Variants in ZPLD1 observed in about 807,000 individuals in gnomAD.
ZPLD1 encodes the protein zona pellucida like domain containing 1.
A neutral mutation model predicts 47.2 loss-of-function variants in ZPLD1; 34 were observed. That is an observed-to-expected ratio of 0.72 (90% CI 0.55 to 0.96). ZPLD1 has a LOEUF of 0.96. Among genes scored for constraint, ZPLD1 ranks in the 40% least tolerant of loss-of-function variants. The pLI is 0.00. For synonymous variants in ZPLD1, 176 were observed against 186.2 expected, an observed-to-expected ratio of 0.95 and a Z score of 0.45; for missense variants, 512 against 505.8, an observed-to-expected ratio of 1.01 and a Z score of -0.12.
rs1707801366 is a variant in ZPLD1 at position 102,479,040 on chromosome 3, T to G, written c.*1422T>G. On this transcript the variant is annotated 3_prime_UTR_variant, in exon 12 of 12. Transcript: ENST00000466937. ...TTAATAATTAAATCAATCCTCAAGT[T>G]GAAAAACACTTTTTCTCCAATTTGC... 1 of 152,182 alleles carries G rather than the reference T, an allele frequency of 6.6e-6. No individual in the cohort carries two copies. The highest frequency in any genetic ancestry group is 2.4e-5 in the African/African-American group (1 of 41,438). The allele number at this position is 152,182 out of a possible 1,614,324, so 9.4% of individuals were successfully genotyped here.
intron 6 of ZPLD1, among the ~76,000 whole-genome samples, chr3:102,388,631 A>C (rs544273130): frequency 6.6e-6 from 1 of 152,286 alleles, no homozygotes; most frequent in South Asian, 2.1e-4. Flanking sequence ...TCCGTGGTGC[A>C]GTCTTGCCTC....
chr3:102,431,749 A>G (rs1266308665), upstream of ZPLD1, among the ~76,000 whole-genome samples: 1 of 152,156 alleles, frequency 6.6e-6, no homozygotes, highest in African/African-American at 2.4e-5. Flanking sequence ...TCTCTATTCA[A>G]AATACAAAAA....
chr3:102,455,722 T>C (rs1707402363), intron 4 of ZPLD1, among the ~76,000 whole-genome samples: 1 of 152,058 alleles, frequency 6.6e-6, no homozygotes. Context: ...AAACATTGCA[T>C]ATGGGGAGTC....
intron 10 of ZPLD1, among the ~76,000 whole-genome samples, chr3:102,472,276 A>G (rs1484329112): frequency 6.6e-6 from 1 of 152,182 alleles, no homozygotes; most frequent in African/African-American, 2.4e-5. Flanking sequence ...TCACGCCTGT[A>G]ATCCCAGCAC....
At chr3:102,389,569 A>G (rs904067421) in intron 6 of ZPLD1, among the ~76,000 whole-genome samples, 2 of 152,216 alleles carry the variant, frequency 1.3e-5, no homozygotes, top group Admixed American at 1.3e-4. Flanking sequence ...ATTTTGTAGT[A>G]CCATGGCAGC....
chr3:102,400,955 A>G (rs1389795347), intron 7 of ZPLD1, among the ~76,000 whole-genome samples: 1 of 152,084 alleles, frequency 6.6e-6, no homozygotes. Context: ...TTTTCATTCC[A>G]CATGAATTTC....
intron 8 of ZPLD1, among the ~76,000 whole-genome samples, chr3:102,426,348 T>C (rs189661785): frequency 6.6e-6 from 1 of 151,996 alleles, no homozygotes; most frequent in Non-Finnish European, 1.5e-5. Context: ...TGAAACCCTG[T>C]CTCTACTAAA....
At chr3:102,424,217 C>CGTCTCTCCA (rs573315735) in intron 8 of ZPLD1, among the ~76,000 whole-genome samples, 2 of 152,096 alleles carry the variant, frequency 1.3e-5, no homozygotes, top group Non-Finnish European at 2.9e-5. Context: ...AAATTGTCCT[C>CGTCTCTCCA]GTCTCTCCAG....
chr3:102,428,014 A>G (rs929567543), intron 8 of ZPLD1, among the ~76,000 whole-genome samples: 14 of 152,220 alleles, frequency 9.2e-5, no homozygotes, highest in African/African-American at 3.4e-4. Flanking sequence ...GTTTTTGAGG[A>G]AGAAACAGAT....
chr3:102,477,403 T>C (rs777461293), intron 11 of ZPLD1, 40 bp from the exon 12 acceptor site: 37 of 1,588,518 alleles, frequency 2.3e-5, no homozygotes, highest in Non-Finnish European at 3.1e-5. Flanking sequence ...ATAAATATTA[T>C]ATGGGGCCTT....
At chr3:102,470,304 T>A in intron 9 of ZPLD1, 90 bp from the exon 10 acceptor site, 1 of 894,226 alleles carries the variant, frequency 1.1e-6, no homozygotes, top group Non-Finnish European at 1.8e-6. Flanking sequence ...ACATGTGGTA[T>A]CTCTTCCAAA....
At position 102,464,161 on chromosome 3, in the gene ZPLD1, A is replaced by G. The variant is rs774247282; in HGVS notation, c.681-10A>G. 5 of 1,601,554 alleles carry G rather than the reference A, an allele frequency of 3.1e-6. No individual in the cohort carries two copies. The Admixed American group carries it at 5.0e-5, about 16-fold the overall frequency. ...CTGACTCTAGATTATGTTTGCTTAC[A>G]TTCTTTCAGATGGAATGTTTTAATG... On this transcript the variant is annotated splice_polypyrimidine_tract_variant and intron_variant, in intron 7 of 11. Coordinates refer to ENST00000466937, the MANE Select transcript of ZPLD1 (RefSeq NM_001329788.2).
intron 7 of ZPLD1, among the ~76,000 whole-genome samples, chr3:102,405,984 T>A (rs1433100677): frequency 6.6e-6 from 1 of 152,024 alleles, no homozygotes; most frequent in Non-Finnish European, 1.5e-5. Context: ...ATTTTGTTTT[T>A]ATTTAATTAT....
chr3:102,465,572 ATT>A (rs954699946), intron 8 of ZPLD1, among the ~76,000 whole-genome samples: 1 of 151,892 alleles, frequency 6.6e-6, no homozygotes, highest in Non-Finnish European at 1.5e-5. Flanking sequence ...AGGGTTATGG[ATT>A]TTTTTTGACA....
chr3:102,388,870 A>G (rs993035651), intron 6 of ZPLD1, among the ~76,000 whole-genome samples: 1 of 152,194 alleles, frequency 6.6e-6, no homozygotes, highest in African/African-American at 2.4e-5. Context: ...TCCAAGTGAT[A>G]GATGTCTGGG....
At chr3:102,400,037 T>C (rs74646288) in intron 7 of ZPLD1, among the ~76,000 whole-genome samples, 1 of 152,098 alleles carries the variant, frequency 6.6e-6, no homozygotes. Context: ...CAGACTGGTC[T>C]TGAACTCCTG....
At chr3:102,438,653 G>T in intron 3 of ZPLD1, 60 bp downstream of exon 3, 1 of 1,310,478 alleles carries the variant, frequency 7.6e-7, no homozygotes, top group Non-Finnish European at 1.1e-6. Context: ...TATTTGAAGA[G>T]CAAGTCATTT....
In ZPLD1 at chr3:102,457,850, T is replaced by C. The variant is rs771118881; in HGVS notation, c.579T>C (p.Tyr193=). The part of the protein sequence containing the change: ...TFVSTLNLLL[Y]NDSTYNQQLI... ...TCAGCACTTTGAACCTGCTCCTTTA[T>C]AACGTAAGTTGATGGGTGAAGGATG... The change falls in exon 6 of 12, where the codon TAT becomes TAC. Residue 193 remains tyrosine, a synonymous_variant. Transcript: ENST00000466937. The C allele has an allele frequency of 1.9e-6, 3 of 1,613,932 alleles. No individual in the cohort carries two copies. In the South Asian group the frequency reaches 3.3e-5, roughly 18 times the overall value.
chr3:102,460,274 C>CTGGTTGGGATGTA (rs1707486166), intron 6 of ZPLD1, among the ~76,000 whole-genome samples: 1 of 151,948 alleles, frequency 6.6e-6, no homozygotes, highest in Admixed American at 6.5e-5. Flanking sequence ...CAACTACTTT[C>CTGGTTGGGATGTA]ATTTTCTGAT....
Sources: allele counts gnomAD v4.1 joint callset (sites outside exome capture counted in the v4.1 genomes callset), GRCh38; gene constraint gnomAD v4.1.1; transcripts MANE v1.5; gene names NCBI Gene and HGNC (gene_info 2026-07-23, HGNC 2026-07-21).